FAM168B: variants seen among roughly 807,000 people sequenced by gnomAD.
FAM168B encodes the protein family with sequence similarity 168 member B.
Under a neutral mutation model 21.8 loss-of-function variants are expected in FAM168B, and 19 were observed. That is an observed-to-expected ratio of 0.87 (90% confidence interval 0.61 to 1.28). FAM168B has a LOEUF of 1.28. Ranked by LOEUF, FAM168B falls within the 50% of genes most tolerant of loss-of-function variation. The probability of loss-of-function intolerance (pLI) is 0.00; values close to 1 mark genes in which losing one functional copy is unlikely to be tolerated. For synonymous variants in FAM168B, 126 were observed against 104.8 expected (o/e 1.20, Z -1.24); for missense variants, 233 against 263.1 (o/e 0.89, Z 0.79).
At chr2:131,055,515 T>C in intron 4 of FAM168B, 38 bp downstream of exon 4, 1 of 1,598,786 alleles carries the variant, frequency 6.3e-7, no homozygotes, top group Non-Finnish European at 8.5e-7. Flanking sequence ...CCAGGTGGTA[T>C]CACCCCTTCC....
At position 131,048,082 on chromosome 2, in the gene FAM168B, G is replaced by T; in HGVS notation, c.*4383C>A. 1.2e-6 allele frequency: 1 copy of T among 823,498 alleles called. No individual in the cohort carries two copies. Among genetic ancestry groups the T allele is most frequent in the Non-Finnish European group, 1.6e-6 (1 of 609,556 alleles). The allele number at this position is 823,498 out of a possible 1,614,324, so 51.0% of individuals were successfully genotyped here. Reference sequence around the variant, plus strand: ...ATGGATACGTAAGTTCAATGCAGAGGTGAGGGATGCCTTTAACACTGGAAG... The same window carrying T: ...ATGGATACGTAAGTTCAATGCAGAGTTGAGGGATGCCTTTAACACTGGAAG... On this transcript the variant is annotated 3_prime_UTR_variant, in exon 7 of 7. Coordinates refer to ENST00000389915, the MANE Select transcript of FAM168B (RefSeq NM_001009993.4).
At chr2:131,061,187 G>T (rs1313000981) in intron 3 of FAM168B, among the ~76,000 whole-genome samples, 1 of 138,524 alleles carries the variant, frequency 7.2e-6, no homozygotes, top group Admixed American at 7.1e-5. Flanking sequence ...GGGCGTGGTG[G>T]CTCACGCCTG....
At chr2:131,057,428 C>T (rs1187529143) in intron 3 of FAM168B, among the ~76,000 whole-genome samples, 2 of 152,104 alleles carry the variant, frequency 1.3e-5, no homozygotes, top group Non-Finnish European at 2.9e-5. Context: ...GCAATGATCC[C>T]GTTTATTCCC....
intron 3 of FAM168B, among the ~76,000 whole-genome samples, chr2:131,061,996 T>TA (rs1295297528): frequency 6.6e-6 from 1 of 152,088 alleles, no homozygotes; most frequent in Non-Finnish European, 1.5e-5. Context: ...TTCTATCTGA[T>TA]AAACTGATTC....
At chr2:131,063,600 C>T (rs575313229) in intron 3 of FAM168B, among the ~76,000 whole-genome samples, 10 of 152,164 alleles carry the variant, frequency 6.6e-5, no homozygotes, top group African/African-American at 1.7e-4. Flanking sequence ...AGCAGCATAG[C>T]GAGACCTTGT....
chr2:131,053,036 T>C (rs938153796), intron 5 of FAM168B, 21 bp from the exon 6 acceptor site: 3 of 1,543,768 alleles, frequency 1.9e-6, no homozygotes, highest in Admixed American at 2.0e-5. Context: ...GAGCAGCACA[T>C]GACATGAGGC....
At chr2:131,079,720 G>GGTAA (rs1693338386) in intron 2 of FAM168B, among the ~76,000 whole-genome samples, 2 of 151,920 alleles carry the variant, frequency 1.3e-5, no homozygotes, top group African/African-American at 4.8e-5. Context: ...TGTTATAGCA[G>GGTAA]CCACAAAAAA....
chr2:131,051,450 A>G lies in FAM168B; in HGVS notation c.*1015T>C, dbSNP rs566527121. 1.0e-6 allele frequency: 1 copy of G among 984,446 alleles called. No individual in the cohort carries two copies. Among genetic ancestry groups the G allele is most frequent in the African/African-American group, 1.8e-5 (1 of 56,906 alleles). 61.0% of individuals were successfully genotyped at this position (984,446 alleles called of 1,614,324 possible). On this transcript the variant is annotated 3_prime_UTR_variant, in exon 7 of 7. Transcript: ENST00000389915. The stretch of plus-strand genomic sequence containing the variant: ...TTGTTGGGGAAAAACAGCAATGCCT[A>G]CCTGTTTTCAGCTGATTCAAACATT...
chr2:131,073,784 A>C (rs1692998210), intron 2 of FAM168B, among the ~76,000 whole-genome samples: 1 of 152,248 alleles, frequency 6.6e-6, no homozygotes, highest in Non-Finnish European at 1.5e-5. Flanking sequence ...GCTGTGTCTT[A>C]CTTAAGCTTC....
intron 1 of FAM168B, among the ~76,000 whole-genome samples, chr2:131,085,941 A>G (rs977347913): frequency 5.9e-5 from 9 of 152,228 alleles, no homozygotes; most frequent in Non-Finnish European, 1.2e-4. Context: ...AGCTTTATTT[A>G]ACTTCAACAT....
At chr2:131,057,041 C>A (rs1381243767) in intron 3 of FAM168B, among the ~76,000 whole-genome samples, 3 of 152,164 alleles carry the variant, frequency 2.0e-5, no homozygotes, top group African/African-American at 7.2e-5. Flanking sequence ...ATATGTAAAT[C>A]AGACCTCCAT....
chr2:131,065,807 G>GAAAAAAAA (rs796177546), intron 3 of FAM168B, among the ~76,000 whole-genome samples: 58 of 94,558 alleles, frequency 6.1e-4, no homozygotes, highest in South Asian at 7.2e-4. Flanking sequence ...AAGAAAAAAA[G>GAAAAAAAA]AAAAAAAAAA....
intron 3 of FAM168B, among the ~76,000 whole-genome samples, chr2:131,061,878 G>A (rs1316603061): frequency 6.6e-6 from 1 of 152,082 alleles, no homozygotes; most frequent in Non-Finnish European, 1.5e-5. Flanking sequence ...TCTGAAAGAT[G>A]CTGATCTGGA....
At chr2:131,052,765 C>T (rs147070989) in intron 6 of FAM168B, 126 bp downstream of exon 6, 2 of 1,403,152 alleles carry the variant, frequency 1.4e-6, no homozygotes, top group East Asian at 2.6e-5. Flanking sequence ...TTAAACACTA[C>T]ATTGCCTCTG....
intron 2 of FAM168B, among the ~76,000 whole-genome samples, chr2:131,078,650 C>T (rs890874374): frequency 5.9e-5 from 9 of 151,934 alleles, no homozygotes; most frequent in African/African-American, 1.7e-4. Flanking sequence ...GCAAGGTACA[C>T]GGGTTGGGGG....
intron 2 of FAM168B, among the ~76,000 whole-genome samples, chr2:131,079,859 G>A (rs1301671463): frequency 4.6e-5 from 7 of 152,234 alleles, no homozygotes; most frequent in Middle Eastern, 3.4e-3. Flanking sequence ...GCTCACGCTT[G>A]TAATCCCAAC....
chr2:131,089,209 G>A (rs1394918662), intron 1 of FAM168B, among the ~76,000 whole-genome samples: 3 of 151,688 alleles, frequency 2.0e-5, no homozygotes, highest in Non-Finnish European at 4.4e-5. Context: ...CAGGTGATCC[G>A]CCAGTCTTGG....
chr2:131,080,150 T>TA (rs1437805394), intron 2 of FAM168B, among the ~76,000 whole-genome samples: 1 of 150,992 alleles, frequency 6.6e-6, no homozygotes, highest in East Asian at 2.0e-4. Context: ...GTTGTTCAGA[T>TA]AAAGGTCAAT....
chr2:131,073,288 TTGCCA>T lies in FAM168B; in HGVS notation c.71-1355_71-1351del, dbSNP rs377582917. Among the ~76,000 whole-genome samples the T allele has an allele frequency of 4.4e-4, 67 of 152,268 alleles. No homozygotes were observed. The East Asian group carries it at 6.8e-3, about 15-fold the overall frequency. Reference sequence around the variant, plus strand: ...TTGTATTTTTAGTAGAGATGGGGTTTTGCCATGCTGGCCAGGCTGGTCTCGAACTC... The same window carrying T: ...TTGTATTTTTAGTAGAGATGGGGTTTTGCTGGCCAGGCTGGTCTCGAACTC... On this transcript the variant is annotated intron_variant, in intron 2 of 6. Transcript: ENST00000389915.
Sources: gnomAD v4.1 joint callset for allele counts (sites outside exome capture counted in the v4.1 genomes callset) on GRCh38, gnomAD v4.1.1 for gene constraint, MANE v1.5 for transcripts, NCBI Gene and HGNC (gene_info 2026-07-23, HGNC 2026-07-21) for gene names.